SHTN1: variants seen among roughly 807,000 people sequenced by gnomAD.
SHTN1 encodes shootin 1.
Under a neutral mutation model 83.1 loss-of-function variants are expected in SHTN1, and 42 were observed. The ratio of observed to expected loss-of-function variants is 0.51; its 90% CI spans 0.39 to 0.65. The LOEUF (loss-of-function observed/expected upper bound fraction) is 0.65, where lower values mean the gene tolerates loss of function less well. Ranked by LOEUF, SHTN1 falls within the 30% of genes least tolerant of loss-of-function variation. SHTN1 has a pLI of 0.00. For synonymous variants in SHTN1, 224 were observed against 247.7 expected, an observed-to-expected ratio of 0.90 and a Z score of 0.90; for missense variants, 622 against 737.8, an observed-to-expected ratio of 0.84 and a Z score of 1.82.
At chr10:116,957,995 G>A (rs767325705) in intron 4 of SHTN1, among the ~76,000 whole-genome samples, 10 of 152,144 alleles carry the variant, frequency 6.6e-5, no homozygotes, top group Non-Finnish European at 1.5e-4. Flanking sequence ...GGGAGGTGGA[G>A]GTTGCAGTGA....
intron 2 of SHTN1, among the ~76,000 whole-genome samples, chr10:117,016,207 A>G (rs1182440607): frequency 6.6e-6 from 1 of 152,200 alleles, no homozygotes; most frequent in Non-Finnish European, 1.5e-5. Context: ...ATAGCAAAAC[A>G]TAACCTTATT....
chr10:117,006,516 A>G (rs1427827602), upstream of SHTN1, among the ~76,000 whole-genome samples: 1 of 147,746 alleles, frequency 6.8e-6, no homozygotes, highest in African/African-American at 2.5e-5. Context: ...CAGTGAGCCG[A>G]GATCGCGCCA....
intron 1 of SHTN1, among the ~76,000 whole-genome samples, chr10:117,085,902 A>C (rs1289069548): frequency 6.7e-6 from 1 of 150,284 alleles, no homozygotes; most frequent in African/African-American, 2.4e-5. Flanking sequence ...CCTTGATCTA[A>C]AGTCTGCTTT....
At chr10:117,075,818 G>C (rs564094083) in intron 1 of SHTN1, among the ~76,000 whole-genome samples, 1 of 152,288 alleles carries the variant, frequency 6.6e-6, no homozygotes, top group South Asian at 2.1e-4. Context: ...AATAGCTAGA[G>C]ATAAGGCATA....
intron 1 of SHTN1, among the ~76,000 whole-genome samples, chr10:117,065,011 C>T (rs974024960): frequency 3.3e-5 from 5 of 152,196 alleles, no homozygotes; most frequent in African/African-American, 1.2e-4. Context: ...TATCACCTCA[C>T]TTAAGAAAGG....
intron 16 of SHTN1, among the ~76,000 whole-genome samples, chr10:116,892,592 T>C (rs572972009): frequency 2.0e-5 from 3 of 152,352 alleles, no homozygotes; most frequent in African/African-American, 7.2e-5. Flanking sequence ...GCATTTTCAT[T>C]CTATGTTTTC....
At chr10:116,934,071 C>T (rs944315049) in intron 9 of SHTN1, among the ~76,000 whole-genome samples, 11 of 151,940 alleles carry the variant, frequency 7.2e-5, no homozygotes, top group Admixed American at 2.6e-4. Flanking sequence ...TAGCCCTTTG[C>T]CAGAAGGATA....
At chr10:116,944,747 T>C (rs987449812) in intron 8 of SHTN1, among the ~76,000 whole-genome samples, 177 bp downstream of exon 8, 11 of 152,002 alleles carry the variant, frequency 7.2e-5, no homozygotes, top group Non-Finnish European at 1.3e-4. Context: ...AAAAATTAGC[T>C]GGGCACGGTG....
intron 2 of SHTN1, among the ~76,000 whole-genome samples, chr10:117,029,522 T>C (rs930437367): frequency 3.2e-4 from 48 of 152,286 alleles, no homozygotes; most frequent in African/African-American, 1.1e-3. Context: ...TCATGTTCAA[T>C]TGGAATGCTG....
rs1390135168 is a variant in SHTN1 at position 117,118,938 on chromosome 10, TAA to T, written c.-189+7367_-189+7368del. Among the ~76,000 whole-genome samples the T allele has an allele frequency of 4.6e-5, 7 of 151,780 alleles. No homozygotes were observed. The East Asian group carries it at 5.8e-4, about 13-fold the overall frequency. On this transcript the variant is annotated intron_variant, in intron 1 of 17. Transcript: ENST00000392901. The stretch of plus-strand genomic sequence containing the variant: ...TTCACATATACCCCTGAACTTAAAA[TAA>T]AAGTTGGAAATCAAAAAATAAAATG...
intron 16 of SHTN1, among the ~76,000 whole-genome samples, chr10:116,892,505 A>G (rs1248265811): frequency 6.6e-6 from 1 of 152,218 alleles, no homozygotes. Flanking sequence ...GAAATATTTT[A>G]AGAGACATAG....
At chr10:117,037,457 A>G (rs571606546) in intron 2 of SHTN1, among the ~76,000 whole-genome samples, 1 of 152,340 alleles carries the variant, frequency 6.6e-6, no homozygotes, top group Non-Finnish European at 1.5e-5. Context: ...AAGGATAGGA[A>G]GACTCAATAT....
At chr10:117,097,050 C>CACAT (rs1171793756) in intron 1 of SHTN1, among the ~76,000 whole-genome samples, 1 of 151,946 alleles carries the variant, frequency 6.6e-6, no homozygotes, top group Non-Finnish European at 1.5e-5. Flanking sequence ...CACACACACA[C>CACAT]ACACACACAC....
chr10:117,028,207 A>G (rs564671726), intron 2 of SHTN1, among the ~76,000 whole-genome samples: 29 of 152,152 alleles, frequency 1.9e-4, no homozygotes, highest in African/African-American at 6.5e-4. Context: ...GGTGAAAGAA[A>G]TTTCTAAGCA....
chr10:117,087,244 G>C (rs1479357041), intron 1 of SHTN1, among the ~76,000 whole-genome samples: 2 of 152,162 alleles, frequency 1.3e-5, no homozygotes, highest in Admixed American at 1.3e-4. Context: ...TCACTGAATT[G>C]TACACTTTAA....
chr10:116,930,800 G>A (rs756685012), intron 9 of SHTN1, among the ~76,000 whole-genome samples: 8 of 152,056 alleles, frequency 5.3e-5, no homozygotes, highest in East Asian at 1.9e-4. Context: ...TTGAGAAATC[G>A]CCACACTGCC....
chr10:116,943,099 T>C (rs962299464), intron 8 of SHTN1, among the ~76,000 whole-genome samples: 11 of 152,386 alleles, frequency 7.2e-5, no homozygotes, highest in African/African-American at 2.4e-4. Context: ...CAAATATTTA[T>C]GCTGCCAATA....
At chr10:116,893,863 T>C (rs897858093) in intron 16 of SHTN1, among the ~76,000 whole-genome samples, 2 of 152,200 alleles carry the variant, frequency 1.3e-5, no homozygotes, top group Non-Finnish European at 2.9e-5. Flanking sequence ...TTTGCTAATG[T>C]ATTTCAAAAG....
intron 8 of SHTN1, 55 bp from the exon 9 acceptor site, chr10:116,940,667 A>C: frequency 7.4e-7 from 1 of 1,357,612 alleles, no homozygotes; most frequent in Admixed American, 2.5e-5. Flanking sequence ...ATACCTCCTC[A>C]ACTGTAACTT....
Sources: allele counts gnomAD v4.1 joint callset (sites outside exome capture counted in the v4.1 genomes callset), GRCh38; gene constraint gnomAD v4.1.1; transcripts MANE v1.5; gene names NCBI Gene and HGNC (gene_info 2026-07-23, HGNC 2026-07-21).